Variants in PIAS2 observed in about 807,000 individuals in gnomAD.
PIAS2 encodes E3 SUMO-protein ligase PIAS2.
A neutral mutation model predicts 69.7 loss-of-function variants in PIAS2; 19 were observed. The ratio of observed to expected loss-of-function variants is 0.27; its 90% confidence interval spans 0.19 to 0.40. The LOEUF is 0.40. Ranked by LOEUF, PIAS2 falls within the 10% of genes least tolerant of loss-of-function variation. The pLI, the probability that PIAS2 is intolerant of heterozygous loss-of-function variation, is 1.00. For missense variants in PIAS2, 624 were observed against 757.0 expected (o/e 0.82, Z 2.06); for synonymous variants, 261 against 263.2 (o/e 0.99, Z 0.08).
chr18:46,871,825 A>G (rs545475164), intron 2 of PIAS2, among the ~76,000 whole-genome samples: 1 of 152,316 alleles, frequency 6.6e-6, no homozygotes, highest in South Asian at 2.1e-4. Flanking sequence ...TGAGGCAGGA[A>G]CTAACCTATT....
intron 9 of PIAS2, among the ~76,000 whole-genome samples, chr18:46,831,440 G>C (rs1267238983): frequency 6.6e-6 from 1 of 152,114 alleles, no homozygotes; most frequent in African/African-American, 2.4e-5. Context: ...TATCTACAGA[G>C]TCAATGAAAA....
intron 1 of PIAS2, chr18:46,914,921 ATC>A (rs2057651011): frequency 6.6e-6 from 1 of 152,124 alleles, no homozygotes; most frequent in African/African-American, 2.4e-5. Flanking sequence ...CATTTTGAGA[ATC>A]CAAGATTATT....
chr18:46,914,282 G>C (rs189275213), intron 1 of PIAS2, among the ~76,000 whole-genome samples: 1 of 152,168 alleles, frequency 6.6e-6, no homozygotes, highest in African/African-American at 2.4e-5. Flanking sequence ...ATAATCTGCT[G>C]ATCAGGTTTG....
intron 12 of PIAS2, chr18:46,816,103 A>G: frequency 1.0e-6 from 1 of 984,988 alleles, no homozygotes; most frequent in Non-Finnish European, 1.2e-6. Flanking sequence ...TCCCTGTGTG[A>G]CTAAACTCTC....
At chr18:46,818,211 T>C (rs2041775099) in intron 12 of PIAS2, 2 of 1,199,148 alleles carry the variant, frequency 1.7e-6, no homozygotes, top group Middle Eastern at 3.3e-4. Context: ...AACTGCTACA[T>C]GATTAAATAT....
chr18:46,849,799 T>A (rs1472913872), intron 5 of PIAS2, among the ~76,000 whole-genome samples: 1 of 152,156 alleles, frequency 6.6e-6, no homozygotes, highest in Non-Finnish European at 1.5e-5. Flanking sequence ...GTTCAATAAT[T>A]ATCAACATGT....
In PIAS2 at chr18:46,811,332, A is replaced by T. The variant is rs1462898873; in HGVS notation, c.*1101T>A. Reference sequence around the variant, plus strand: ...GAAAATCACTGCTGAGACTGAAATTACATTGGTGAGAAATATGATCATCAT... The same window carrying T: ...GAAAATCACTGCTGAGACTGAAATTTCATTGGTGAGAAATATGATCATCAT... On this transcript the variant is annotated 3_prime_UTR_variant, in exon 14 of 14. Transcript: ENST00000585916. 1 of 152,184 alleles carries T rather than the reference A, an allele frequency of 6.6e-6. No individual in the cohort carries two copies. The highest frequency in any genetic ancestry group is 2.4e-5 in the African/African-American group (1 of 41,454). The allele number at this position is 152,184 out of a possible 1,614,324, so 9.4% of individuals were successfully genotyped here.
chr18:46,911,760 C>T (rs947801691), intron 1 of PIAS2, among the ~76,000 whole-genome samples: 2 of 152,268 alleles, frequency 1.3e-5, no homozygotes, highest in East Asian at 3.9e-4. Context: ...AAAACAAAGG[C>T]TGGGGCCGGG....
intron 9 of PIAS2, among the ~76,000 whole-genome samples, chr18:46,830,139 G>T (rs1424002387): frequency 1.3e-5 from 2 of 152,060 alleles, no homozygotes; most frequent in African/African-American, 2.4e-5. Context: ...GTAGATACCT[G>T]GAGCCTCCTA....
chr18:46,830,576 C>G (rs1286607503), intron 9 of PIAS2, among the ~76,000 whole-genome samples: 1 of 150,934 alleles, frequency 6.6e-6, no homozygotes, highest in African/African-American at 2.4e-5. Flanking sequence ...GAAAAAAAAG[C>G]AAATTATAGT....
intron 9 of PIAS2, among the ~76,000 whole-genome samples, chr18:46,833,603 A>G (rs2043998443): frequency 6.6e-6 from 1 of 152,234 alleles, no homozygotes; most frequent in Non-Finnish European, 1.5e-5. Context: ...TCAAAACCCA[A>G]AAAGGTTCTG....
chr18:46,810,031 C>T lies in PIAS2; in HGVS notation c.*2402G>A, dbSNP rs904093563. The T allele has an allele frequency of 1.3e-5, 2 of 152,056 alleles. No individual in the cohort carries two copies. The highest frequency in any genetic ancestry group is 4.8e-5 in the African/African-American group (2 of 41,392). 9.4% of individuals were successfully genotyped at this position (152,056 alleles called of 1,614,324 possible). ...GCCAAAGTCATAAAGTACTAATGCTCAAGACAGATAAACAACGTAAGCCCC... is the reference window on the plus strand; with the variant it reads ...GCCAAAGTCATAAAGTACTAATGCTTAAGACAGATAAACAACGTAAGCCCC... On this transcript the variant is annotated 3_prime_UTR_variant, in exon 14 of 14. Coordinates refer to ENST00000585916, the MANE Select transcript of PIAS2 (RefSeq NM_004671.5).
intron 1 of PIAS2, among the ~76,000 whole-genome samples, chr18:46,895,284 T>C (rs553469736): frequency 1.3e-5 from 2 of 152,240 alleles, no homozygotes; most frequent in Admixed American, 6.5e-5. Flanking sequence ...CCATCTGCTA[T>C]GATGTATATA....
At chr18:46,884,044 C>A (rs974335618) in intron 2 of PIAS2, among the ~76,000 whole-genome samples, 5 of 151,996 alleles carry the variant, frequency 3.3e-5, no homozygotes, top group African/African-American at 1.2e-4. Context: ...CAGAAGCAAG[C>A]TAACTAAACT....
rs181262889 is a variant in PIAS2 at position 46,805,154 on chromosome 18, T to C, written c.*7279A>G. ...GAAAAGAGGGCAATAACATTTGTTA[T>C]AACTGATGAGAATGGGCAAAGGAAC... On this transcript the variant is annotated 3_prime_UTR_variant, in exon 14 of 14. Transcript: ENST00000585916. The C allele has an allele frequency of 3.3e-5, 5 of 152,334 alleles. No homozygotes were observed. The highest frequency in any genetic ancestry group is 2.6e-4 in the Admixed American group (4 of 15,292). 9.4% of individuals were successfully genotyped at this position (152,334 alleles called of 1,614,324 possible).
intron 2 of PIAS2, among the ~76,000 whole-genome samples, chr18:46,879,903 A>T (rs1383642966): frequency 3.3e-5 from 5 of 152,170 alleles, no homozygotes; most frequent in African/African-American, 1.2e-4. Flanking sequence ...TTAGAAAGCA[A>T]GATGGTGGTT....
At chr18:46,815,872 G>C (rs367808162) in intron 12 of PIAS2, 2 of 985,526 alleles carry the variant, frequency 2.0e-6, no homozygotes, top group Non-Finnish European at 2.4e-6. Flanking sequence ...GCACACACTC[G>C]GGAATTGCTG....
intron 2 of PIAS2, among the ~76,000 whole-genome samples, chr18:46,883,944 G>A (rs2145893515): frequency 1.3e-5 from 2 of 152,150 alleles, no homozygotes; most frequent in South Asian, 2.1e-4. Context: ...AGAGGTAGAG[G>A]GTGCAGTGAT....
chr18:46,891,655 A>C, intron 1 of PIAS2: 8 of 961,196 alleles, frequency 8.3e-6, no homozygotes, highest in Non-Finnish European at 9.9e-6. Flanking sequence ...CTTATTTAGC[A>C]GTCAAACTTC....
Sources: gnomAD v4.1 joint callset for allele counts (sites outside exome capture counted in the v4.1 genomes callset) on GRCh38, gnomAD v4.1.1 for gene constraint, MANE v1.5 for transcripts, NCBI Gene and HGNC (gene_info 2026-07-23, HGNC 2026-07-21) for gene names.